Variants in ANGPTL5 observed in about 807,000 individuals in gnomAD.
ANGPTL5 encodes angiopoietin-related protein 5.
ANGPTL5 carries 34 observed loss-of-function variants against 39.4 expected under a neutral mutation model. The ratio of observed to expected loss-of-function variants is 0.86; its 90% CI spans 0.66 to 1.15. ANGPTL5 has a LOEUF of 1.15. ANGPTL5 is among the 50% of genes most tolerant of loss of function. ANGPTL5 has a pLI of 0.00. For synonymous variants in ANGPTL5, 146 were observed against 152.1 expected, an observed-to-expected ratio of 0.96 and a Z score of 0.29; for missense variants, 467 against 457.5, an observed-to-expected ratio of 1.02 and a Z score of -0.19.
chr11:101,912,354 T>C (rs953540745), intron 1 of ANGPTL5, among the ~76,000 whole-genome samples: 1 of 152,232 alleles, frequency 6.6e-6, no homozygotes, highest in Non-Finnish European at 1.5e-5. Context: ...TGTCAAGAGA[T>C]GAAGTTGATA....
chr11:101,905,942 A>T, intron 3 of ANGPTL5, 95 bp from the exon 4 acceptor site: 3 of 718,364 alleles, frequency 4.2e-6, no homozygotes, highest in Non-Finnish European at 7.4e-6. Flanking sequence ...TTGGATATGT[A>T]TGTTAACTCA....
At chr11:101,910,461 T>C (rs116437938) in intron 1 of ANGPTL5, among the ~76,000 whole-genome samples, 2,140 of 149,504 alleles carry the variant, frequency 0.014, 51 homozygotes, top group African/African-American at 0.05. Context: ...ATTAGATAAG[T>C]TATGTGAATA....
rs1939685141 is a variant in ANGPTL5, at chr11:101,891,191, A to C, written c.*88T>G. On this transcript the variant is annotated 3_prime_UTR_variant, in exon 9 of 9. Transcript: ENST00000334289. Reference sequence around the variant, plus strand: ...CATCTACAGTTAAATTTTGCCTAATATGTTTGAAACACTAAGTGAAAAGAT... The same window carrying C: ...CATCTACAGTTAAATTTTGCCTAATCTGTTTGAAACACTAAGTGAAAAGAT... The C allele has an allele frequency of 7.9e-7, 1 of 1,269,310 alleles. No homozygotes were observed. 78.6% of individuals were successfully genotyped at this position (1,269,310 alleles called of 1,614,324 possible). A position where few individuals can be genotyped will look rare whatever the true frequency, so the allele number is the denominator to read the frequency against.
At chr11:101,902,551 C>G in intron 6 of ANGPTL5, 70 bp downstream of exon 6, 1 of 1,137,080 alleles carries the variant, frequency 8.8e-7, no homozygotes. Flanking sequence ...TAAATTTTAA[C>G]ATAAATTAAA....
At chr11:101,897,466 T>C (rs1364636912) in intron 7 of ANGPTL5, among the ~76,000 whole-genome samples, 1 of 152,250 alleles carries the variant, frequency 6.6e-6, no homozygotes, top group African/African-American at 2.4e-5. Context: ...CTAGGTTTTC[T>C]TCTAGGGATT....
chr11:101,900,343 T>C, intron 7 of ANGPTL5, 87 bp downstream of exon 7: 1 of 1,371,308 alleles, frequency 7.3e-7, no homozygotes, highest in Non-Finnish European at 1.0e-6. Flanking sequence ...ATTTGCTATT[T>C]TTACTACAGA....
At chr11:101,910,635 C>T (rs1004437089) in intron 1 of ANGPTL5, among the ~76,000 whole-genome samples, 7 of 151,930 alleles carry the variant, frequency 4.6e-5, no homozygotes, top group African/African-American at 1.5e-4. Context: ...TATTCTTTCC[C>T]ATCTTAGTAA....
Position 101,916,178 on chromosome 11 carries a change from G to A in ANGPTL5, c.-252C>T, listed in dbSNP as rs991592784. The A allele has an allele frequency of 1.3e-5, 2 of 152,226 alleles. No homozygotes were observed. The highest frequency in any genetic ancestry group is 6.5e-5 in the Admixed American group (1 of 15,284). 9.4% of individuals were successfully genotyped at this position (152,226 alleles called of 1,614,324 possible). A position where few individuals can be genotyped will look rare whatever the true frequency, so the allele number is the denominator to read the frequency against. On this transcript the variant is annotated 5_prime_UTR_variant, in exon 1 of 9. Coordinates refer to ENST00000334289, the MANE Select transcript of ANGPTL5 (RefSeq NM_178127.5). ...ACTTGGTTGGCAATGATGGTGTTGTGTAATCATCTTCAGTCTTGTCAGAGA... is the reference window on the plus strand; with the variant it reads ...ACTTGGTTGGCAATGATGGTGTTGTATAATCATCTTCAGTCTTGTCAGAGA...
intron 5 of ANGPTL5, among the ~76,000 whole-genome samples, chr11:101,903,888 T>C (rs1939952038): frequency 8.9e-6 from 1 of 111,816 alleles, no homozygotes; most frequent in Admixed American, 8.3e-5. Flanking sequence ...CGGGCATTTT[T>C]TTTATTTCCT....
chr11:101,914,383 C>T (rs963625437), intron 1 of ANGPTL5, among the ~76,000 whole-genome samples: 7 of 152,164 alleles, frequency 4.6e-5, no homozygotes, highest in Admixed American at 2.0e-4. Flanking sequence ...CATTTCAATG[C>T]GATGATCTCT....
chr11:101,913,643 A>G (rs1940131611), intron 1 of ANGPTL5, among the ~76,000 whole-genome samples: 1 of 152,204 alleles, frequency 6.6e-6, no homozygotes, highest in Admixed American at 6.5e-5. Flanking sequence ...ACCAAGCCAC[A>G]AAGCAGTGAG....
At position 101,902,638 on chromosome 11, in the gene ANGPTL5, A is replaced by G. The variant is rs7946238; in HGVS notation, c.523T>C (p.Ser175Pro). 171 of 1,606,516 alleles carry G rather than the reference A, an allele frequency of 1.1e-4. No homozygotes were observed. In the African/African-American group the frequency reaches 2.2e-3, roughly 21 times the overall value. Residue 175 changes from serine to proline, a missense_variant, in exon 6 of 9, where the codon TCT (serine) becomes CCT (proline). Physicochemically the swap from Ser to Pro is moderately conservative, Grantham distance 74 (BLOSUM62 -1). Transcript: ENST00000334289. ...SGLYIIHPEG[S>P]SYPFEVMCDM... ...GGAAATACCTCAAATGGGTAGCTAG[A>G]TCCTTCTGGGTGAATTATGTATAAA...
chr11:101,911,529 C>T (rs887873513), intron 1 of ANGPTL5, among the ~76,000 whole-genome samples: 1 of 152,262 alleles, frequency 6.6e-6, no homozygotes, highest in Admixed American at 6.5e-5. Flanking sequence ...ATGCTGTTCT[C>T]ACAATAGTAA....
chr11:101,900,333 A>C lies in ANGPTL5; in HGVS notation c.661+97T>G, dbSNP rs1024270476. The C allele has an allele frequency of 4.8e-6, 6 of 1,237,314 alleles. No individual in the cohort carries two copies. In the African/African-American group the frequency reaches 9.1e-5, roughly 19 times the overall value. The allele number at this position is 1,237,314 out of a possible 1,614,324, so 76.6% of individuals were successfully genotyped here. On this transcript the variant is annotated intron_variant, in intron 7 of 8. Coordinates refer to ENST00000334289, the MANE Select transcript of ANGPTL5 (RefSeq NM_178127.5). ...AAGTTATATTTTGATATTTGCAAGC[A>C]TTTGCTATTTTTACTACAGATCTGA...
chr11:101,893,020 T>C (rs1239379371), intron 8 of ANGPTL5, among the ~76,000 whole-genome samples: 1 of 152,200 alleles, frequency 6.6e-6, no homozygotes, highest in Non-Finnish European at 1.5e-5. Flanking sequence ...TGAGAGACAA[T>C]ACCCATGGAG....
chr11:101,906,019 C>A (rs1939992528), intron 3 of ANGPTL5, among the ~76,000 whole-genome samples, 172 bp from the exon 4 acceptor site: 2 of 152,002 alleles, frequency 1.3e-5, no homozygotes, highest in African/African-American at 4.8e-5. Flanking sequence ...TTGTTTAACT[C>A]AGGATTAACC....
intron 1 of ANGPTL5, among the ~76,000 whole-genome samples, chr11:101,911,094 C>CTTTTTTTTTTTTTTTTT (rs71059524): frequency 1.8e-5 from 1 of 54,962 alleles, no homozygotes; most frequent in Non-Finnish European, 3.4e-5. Context: ...CTACCCAAAT[C>CTTTTTTTTTTTTTTTTT]TTTTTTTTTT....
intron 4 of ANGPTL5, among the ~76,000 whole-genome samples, chr11:101,905,232 T>A (rs996445882): frequency 1.2e-4 from 18 of 152,172 alleles, no homozygotes; most frequent in Non-Finnish European, 1.8e-4. Flanking sequence ...CACAAGTTAA[T>A]CAGATTGTGG....
At position 101,910,420 on chromosome 11, in the gene ANGPTL5, A is replaced by AT. The variant is rs1210873000; in HGVS notation, c.-92-2420_-92-2419insA. ...AGCAAAACTCCGTCTCAAAAAAAAA[A>AT]AAAAATATATATATATATATATATA... On this transcript the variant is annotated intron_variant, in intron 1 of 8. Transcript: ENST00000334289. Among the ~76,000 whole-genome samples the AT allele has an allele frequency of 5.9e-3, 757 of 128,356 alleles. 3 individuals are homozygous for AT. Among genetic ancestry groups the AT allele is most frequent in the Middle Eastern group, 7.9e-3 (2 of 254 alleles). The allele number at this position is 128,356 out of a possible 152,430, so 84.2% of individuals were successfully genotyped here.
Sources: allele counts gnomAD v4.1 joint callset (sites outside exome capture counted in the v4.1 genomes callset), GRCh38; gene constraint gnomAD v4.1.1; transcripts MANE v1.5; gene names NCBI Gene and HGNC (gene_info 2026-07-23, HGNC 2026-07-21).